The following TRAF2 variants were observed in gnomAD, a reference collection of about 807,000 sequenced individuals.
TRAF2 encodes TNF receptor-associated factor 2.
Under a neutral mutation model 55.6 loss-of-function variants are expected in TRAF2, and 6 were observed. The ratio of observed to expected loss-of-function variants is 0.11; its 90% CI spans 0.06 to 0.21. The LOEUF is 0.21. Ranked by LOEUF, TRAF2 falls within the 10% of genes least tolerant of loss-of-function variation. The probability of loss-of-function intolerance (pLI) is 1.00; values close to 1 mark genes in which losing one functional copy is unlikely to be tolerated. For synonymous variants in TRAF2, 329 were observed against 276.3 expected (o/e 1.19, Z -1.89); for missense variants, 561 against 684.5 (o/e 0.82, Z 2.01).
chr9:136,926,044 A>G lies in TRAF2; in HGVS notation c.*143A>G, dbSNP rs994927693. The G allele has an allele frequency of 9.9e-7, 1 of 1,005,854 alleles. No individual in the cohort carries two copies. The highest frequency in any genetic ancestry group is 1.6e-6 in the Non-Finnish European group (1 of 644,706). The allele number at this position is 1,005,854 out of a possible 1,614,324, so 62.3% of individuals were successfully genotyped here. A position where few individuals can be genotyped will look rare whatever the true frequency, so the allele number is the denominator to read the frequency against. On this transcript the variant is annotated 3_prime_UTR_variant, in exon 11 of 11. Transcript: ENST00000247668. ...TTGGGAGGGTGTCGGCCTGCAGCCA[A>G]GTTCACTGTCACGGGGGAAGGAGCC...
At chr9:136,885,898 C>T (rs1027940437), upstream of TRAF2, among the ~76,000 whole-genome samples, 10 of 152,262 alleles carry the variant, frequency 6.6e-5, no homozygotes, top group Admixed American at 5.9e-4. Context: ...TAATACCTTA[C>T]TTAAGTGTGC....
chr9:136,912,634 C>T (rs1267538542), intron 6 of TRAF2, among the ~76,000 whole-genome samples: 2 of 152,034 alleles, frequency 1.3e-5, no homozygotes, highest in Non-Finnish European at 2.9e-5. Context: ...GAGGCCAGTT[C>T]GAGACCAGCC....
intron 5 of TRAF2, 37 bp from the exon 6 acceptor site, chr9:136,909,883 G>T (rs1850060089): frequency 1.9e-6 from 3 of 1,611,882 alleles, no homozygotes; most frequent in Non-Finnish European, 2.5e-6. Context: ...CCTGGCATTG[G>T]CGTCCACCCT....
intron 1 of TRAF2, 56 bp downstream of exon 1, chr9:136,886,597 G>A (rs1405876443): frequency 5.1e-6 from 5 of 978,158 alleles, no homozygotes; most frequent in Non-Finnish European, 6.1e-6. Flanking sequence ...GGTCGGGTGC[G>A]GGGTCGGGCG....
chr9:136,909,153 G>A (rs1477058226), intron 5 of TRAF2, among the ~76,000 whole-genome samples: 3 of 151,386 alleles, frequency 2.0e-5, no homozygotes, highest in South Asian at 4.2e-4. Context: ...GTGGGTGTGC[G>A]TCCGTCCTCG....
At position 136,925,782 on chromosome 9, in the gene TRAF2, A is replaced by C; in HGVS notation, c.1387A>C (p.Met463Leu). 6.2e-7 allele frequency: 1 copy of C among 1,614,272 alleles called. No individual in the cohort carries two copies. The highest frequency in any genetic ancestry group is 8.5e-7 in the Non-Finnish European group (1 of 1,180,052). ...SSSFQRPVNDMNIASGCPLFC... is the reference protein window; with the variant it reads ...SSSFQRPVNDLNIASGCPLFC... ...CTCTTTTCAGAGGCCAGTCAACGAC[A>C]TGAACATCGCAAGCGGCTGCCCCCT... is the stretch of plus-strand genomic sequence containing the variant. The change falls in exon 11 of 11, where the codon ATG becomes CTG. Residue 463 changes from methionine to leucine, a missense_variant. This residue lies in a region of TRAF2 where 135 missense variants were observed against 207.7 expected (regional missense o/e 0.65). Transcript: ENST00000247668.
upstream of TRAF2, chr9:136,882,587 C>T (rs540867078): frequency 9.0e-6 from 8 of 887,876 alleles, no homozygotes; most frequent in South Asian, 3.6e-4. Flanking sequence ...TGGGGCTTCT[C>T]CTGAGACTGC....
chr9:136,899,684 G>A lies in TRAF2; in HGVS notation c.267+12G>A. 1 of 1,609,034 alleles carries A rather than the reference G, an allele frequency of 6.2e-7. No individual in the cohort carries two copies. Among genetic ancestry groups the A allele is most frequent in the South Asian group, 1.1e-5 (1 of 90,866 alleles). On this transcript the variant is annotated intron_variant, in intron 3 of 10. Transcript: ENST00000247668. ...TAGAAAGCAGTTCGGTAAGTAAAATGTCTTGAAGCTAAAAATGTTGAACAG... is the reference window on the plus strand; with the variant it reads ...TAGAAAGCAGTTCGGTAAGTAAAATATCTTGAAGCTAAAAATGTTGAACAG...
chr9:136,923,630 AAAAAAC>A (rs1278075594), intron 9 of TRAF2, among the ~76,000 whole-genome samples: 4 of 151,370 alleles, frequency 2.6e-5, no homozygotes, highest in Non-Finnish European at 5.9e-5. Context: ...AAAAAAAAAA[AAAAAAC>A]TTTTTCTAAG....
In TRAF2 at chr9:136,921,051, A is replaced by G; in HGVS notation, c.974A>G (p.Glu325Gly). 3 of 1,613,898 alleles carry G rather than the reference A, an allele frequency of 1.9e-6. No individual in the cohort carries two copies. Among genetic ancestry groups the G allele is most frequent in the East Asian group, 2.2e-5 (1 of 44,886 alleles). The change falls in exon 9 of 11, where the codon GAG (glutamate) becomes GGG (glycine). Residue 325 changes from glutamate (E) to glycine (G), a missense_variant. This residue lies in a region of TRAF2 where 426 missense variants were observed against 476.8 expected (regional missense o/e 0.89). Transcript: ENST00000247668. Reference sequence around the variant, plus strand: ...GGCACCCGGCAGGTGCAGCAGCTGGAGAGGAGCATTGGCCTCAAGGACCTG... The same window carrying G: ...GGCACCCGGCAGGTGCAGCAGCTGGGGAGGAGCATTGGCCTCAAGGACCTG... ...EALSSKVQQL[E>G]RSIGLKDLAM...
chr9:136,894,543 G>T lies in TRAF2; in HGVS notation c.-28-4170G>T, dbSNP rs1030669043. On this transcript the variant is annotated intron_variant, in intron 1 of 10. Coordinates refer to ENST00000247668, the MANE Select transcript of TRAF2 (RefSeq NM_021138.4). ...GGGACCAGCACCGGGGCTCTTCCAA[G>T]CAGGGCAAAGGTGTTAAGGGAACAG... 2.6e-5 allele frequency among the ~76,000 whole-genome samples: 4 copies of T among 152,064 alleles called. No individual in the cohort carries two copies. The East Asian group carries it at 5.8e-4, about 22-fold the overall frequency.
At chr9:136,919,575 G>A (rs936313430) in intron 7 of TRAF2, among the ~76,000 whole-genome samples, 39 of 151,160 alleles carry the variant, frequency 2.6e-4, no homozygotes, top group Admixed American at 2.5e-3. Context: ...GATTACAGGC[G>A]GGAGCCACCA....
upstream of TRAF2, among the ~76,000 whole-genome samples, chr9:136,883,809 G>A (rs574014409): frequency 6.7e-6 from 1 of 149,002 alleles, no homozygotes; most frequent in South Asian, 2.1e-4. Context: ...GAGCCACTGT[G>A]CCGGGCCTTT....
At chr9:136,897,166 G>C (rs1474546275) in intron 1 of TRAF2, among the ~76,000 whole-genome samples, 1 of 53,744 alleles carries the variant, frequency 1.9e-5, no homozygotes, top group Non-Finnish European at 3.9e-5. Context: ...TCTCTGCCCG[G>C]GACGCTGAGG....
intron 6 of TRAF2, among the ~76,000 whole-genome samples, chr9:136,911,264 CTTTTTTTTTT>C (rs34077067): frequency 1.6e-5 from 2 of 122,566 alleles, no homozygotes; most frequent in African/African-American, 6.3e-5. Context: ...TCCTTCCCGT[CTTTTTTTTTT>C]TTTTTTTTTT....
intron 1 of TRAF2, among the ~76,000 whole-genome samples, chr9:136,894,169 CCACAGTA>C (rs1207502373): frequency 1.3e-5 from 2 of 151,342 alleles, no homozygotes; most frequent in African/African-American, 2.4e-5. Context: ...GCTTCAGCCT[CCACAGTA>C]GCTGGGATTA....
chr9:136,886,570 G>C, intron 1 of TRAF2, 29 bp downstream of exon 1: 2 of 982,518 alleles, frequency 2.0e-6, no homozygotes, highest in Non-Finnish European at 2.4e-6. Flanking sequence ...CGGGTGCGGG[G>C]TCGGGCGCGG....
chr9:136,923,821 A>C, intron 9 of TRAF2, 31 bp from the exon 10 acceptor site: 6 of 1,608,528 alleles, frequency 3.7e-6, no homozygotes, highest in Non-Finnish European at 5.1e-6. Flanking sequence ...GCTGAGTGTC[A>C]GCTCACCAGG....
At chr9:136,902,880 A>C (rs1445281518) in intron 4 of TRAF2, among the ~76,000 whole-genome samples, 1 of 152,146 alleles carries the variant, frequency 6.6e-6, no homozygotes, top group African/African-American at 2.4e-5. Flanking sequence ...GATGGTCGGA[A>C]CTTTATTGGA....
Sources: gnomAD v4.1 joint callset for allele counts (sites outside exome capture counted in the v4.1 genomes callset) on GRCh38, gnomAD v4.1.1 for gene constraint, gnomAD v4.1.1 regional missense constraint, MANE v1.5 for transcripts, NCBI Gene and HGNC (gene_info 2026-07-23, HGNC 2026-07-21) for gene names.